PSD3: variants seen among roughly 807,000 people sequenced by gnomAD.
PSD3 encodes pleckstrin and Sec7 domain containing 3, also known as PH and SEC7 domain-containing protein 3.
A neutral mutation model predicts 105.5 loss-of-function variants in PSD3; 49 were observed. That is an observed-to-expected ratio of 0.46 (90% confidence interval 0.37 to 0.59). PSD3 has a LOEUF of 0.59. Ranked by LOEUF, PSD3 falls within the 20% of genes least tolerant of loss-of-function variation. The pLI, the probability that PSD3 is intolerant of heterozygous loss-of-function variation, is 0.00. For missense variants in PSD3, 1,561 were observed against 1,263.8 expected (o/e 1.24, Z -3.57); for synonymous variants, 557 against 457.8 (o/e 1.22, Z -2.77).
At chr8:18,772,018 A>T (rs1358734155) in intron 8 of PSD3, among the ~76,000 whole-genome samples, 1 of 152,170 alleles carries the variant, frequency 6.6e-6, no homozygotes, top group African/African-American at 2.4e-5. Context: ...ACTTAGCATA[A>T]TGTCCTCAAG....
upstream of PSD3, among the ~76,000 whole-genome samples, chr8:19,016,511 T>C (rs1232404502): frequency 1.3e-5 from 2 of 152,142 alleles, no homozygotes; most frequent in African/African-American, 4.8e-5. Context: ...ATGACAAAAA[T>C]CTCAAATACA....
intron 14 of PSD3, among the ~76,000 whole-genome samples, chr8:18,567,221 G>A (rs969599): frequency 0.85 from 129,420 of 151,990 alleles, 56,494 homozygotes; most frequent in Non-Finnish European, 0.95. Context: ...AAAGAACAAT[G>A]GGAAAGTCCA....
chr8:18,881,780 C>G (rs943600832), intron 2 of PSD3, among the ~76,000 whole-genome samples: 1 of 152,184 alleles, frequency 6.6e-6, no homozygotes, highest in Non-Finnish European at 1.5e-5. Flanking sequence ...AATATAAACT[C>G]TAAAAGGCAA....
intron 1 of PSD3, among the ~76,000 whole-genome samples, chr8:19,060,008 T>C (rs369236400): frequency 1.3e-5 from 2 of 152,210 alleles, no homozygotes; most frequent in African/African-American, 4.8e-5. Flanking sequence ...TTGAAATAAG[T>C]GCTTTTGACA....
In PSD3 at chr8:18,754,582, G is replaced by C. The variant is rs10109529; in HGVS notation, c.2172+10867C>G. Among the ~76,000 whole-genome samples, 1,411 of 152,054 alleles carry C rather than the reference G, an allele frequency of 9.3e-3. 27 individuals are homozygous for C. Among genetic ancestry groups the C allele is most frequent in the African/African-American group, 0.033 (1,355 of 41,446 alleles). ...CAGGCCCAAGATTATGATATGCCAG[G>C]GGGAGGATCAGGTCAAAAATTTCAA... On this transcript the variant is annotated intron_variant, in intron 9 of 15. Coordinates refer to ENST00000327040, the MANE Select transcript of PSD3 (RefSeq NM_015310.4).
chr8:18,788,287 T>C (rs917006882), intron 8 of PSD3, among the ~76,000 whole-genome samples: 1 of 152,230 alleles, frequency 6.6e-6, no homozygotes, highest in African/African-American at 2.4e-5. Context: ...TCCCAACTTC[T>C]GTTGCAATAA....
chr8:18,688,034 G>T (rs1800758500), intron 9 of PSD3, among the ~76,000 whole-genome samples: 1 of 152,224 alleles, frequency 6.6e-6, no homozygotes, highest in Middle Eastern at 3.4e-3. Context: ...CTCCCAAAGT[G>T]CTGGGATTAC....
Position 18,799,322 on chromosome 8 carries a change from C to T in PSD3, c.2055G>A (p.Met685Ile). The stretch of plus-strand genomic sequence containing the variant: ...GGCCATGTAGATCGGTATTAAGAAG[C>T]ATTATTGCACAGGTAAGGCAATGGA... ...DGVHCLTCAI[M>I]LLNTDLHGHN... Residue 685 changes from methionine to isoleucine, a missense_variant, in exon 8 of 16, where the codon ATG (methionine) becomes ATA (isoleucine). Physicochemically the swap from Met to Ile is conservative, Grantham distance 10 (BLOSUM62 1). Transcript: ENST00000327040. The T allele has an allele frequency of 6.2e-7, 1 of 1,608,714 alleles. No homozygotes were observed. Among genetic ancestry groups the T allele is most frequent in the South Asian group, 1.1e-5 (1 of 90,948 alleles).
chr8:18,944,746 T>C (rs1029459123), intron 1 of PSD3, among the ~76,000 whole-genome samples: 4 of 152,202 alleles, frequency 2.6e-5, no homozygotes, highest in African/African-American at 9.7e-5. Context: ...TTTATTTTTA[T>C]CAGAACAGGC....
intron 14 of PSD3, among the ~76,000 whole-genome samples, chr8:18,556,958 A>C (rs1801117337): frequency 6.6e-6 from 1 of 152,256 alleles, no homozygotes; most frequent in Non-Finnish European, 1.5e-5. Context: ...GCAACCCGTC[A>C]ATTAAAATGT....
chr8:18,816,322 G>A (rs191434187), intron 4 of PSD3, among the ~76,000 whole-genome samples: 11 of 152,278 alleles, frequency 7.2e-5, no homozygotes, highest in African/African-American at 2.6e-4. Flanking sequence ...GGAAACTGAG[G>A]TATGGTGCAG....
rs753398955 is a variant in PSD3, at chr8:18,575,146, A to T, written c.2621T>A (p.Val874Asp). Residue 874 changes from valine to aspartate, a missense_variant, in exon 13 of 16, where the codon GTC becomes GAC. Transcript: ENST00000327040. ...AACATACTGAGTTTGAAAAAGCAAG[A>T]CCCTCCAGTCGGCAGTTTTAAGTTT... ...VFKLKTADWR[V>D]LLFQTQSPEE... The T allele has an allele frequency of 6.2e-7, 1 of 1,612,614 alleles. No individual in the cohort carries two copies. Among genetic ancestry groups the T allele is most frequent in the East Asian group, 2.2e-5 (1 of 44,812 alleles).
At chr8:18,568,198 T>C (rs1801911712) in intron 14 of PSD3, among the ~76,000 whole-genome samples, 1 of 152,164 alleles carries the variant, frequency 6.6e-6, no homozygotes. Context: ...TAGTATTCTT[T>C]ATAGAAACAC....
In PSD3 at chr8:18,527,624, TA is replaced by T. The variant is rs1403817277; in HGVS notation, c.*8118del. ...TAATATTTATATACAACTATTTTAA[TA>T]AAAAATAAAGCAATTGTAAAATGTA... is the stretch of plus-strand genomic sequence containing the variant. On this transcript the variant is annotated 3_prime_UTR_variant, in exon 16 of 16. Transcript: ENST00000327040. The T allele has an allele frequency of 2.6e-5, 4 of 152,748 alleles. No individual in the cohort carries two copies. Among genetic ancestry groups the T allele is most frequent in the East Asian group, 3.9e-4 (2 of 5,190 alleles). 9.5% of individuals were successfully genotyped at this position (152,748 alleles called of 1,614,324 possible).
At chr8:18,614,801 T>G (rs548535974) in intron 11 of PSD3, among the ~76,000 whole-genome samples, 17 of 96,798 alleles carry the variant, frequency 1.8e-4, no homozygotes, top group East Asian at 4.9e-4. Flanking sequence ...GCTAATTTTT[T>G]TTTTGTTTTG....
chr8:18,590,631 G>C (rs1289042003), intron 12 of PSD3, among the ~76,000 whole-genome samples: 1 of 151,912 alleles, frequency 6.6e-6, no homozygotes, highest in Non-Finnish European at 1.5e-5. Context: ...GGAATCTTAA[G>C]AAAATAAAAG....
intron 12 of PSD3, among the ~76,000 whole-genome samples, chr8:18,596,952 C>T (rs577612272): frequency 1.2e-4 from 18 of 152,248 alleles, no homozygotes; most frequent in South Asian, 1.0e-3. Flanking sequence ...GAGGAGGGAA[C>T]ACTTCCAAAC....
intron 12 of PSD3, among the ~76,000 whole-genome samples, chr8:18,594,148 T>C (rs1481693854): frequency 1.5e-5 from 1 of 65,564 alleles, no homozygotes; most frequent in African/African-American, 5.2e-5. Flanking sequence ...ATATATTATA[T>C]AATATATATT....
At chr8:18,565,379 C>A (rs1801672968) in intron 14 of PSD3, among the ~76,000 whole-genome samples, 1 of 152,144 alleles carries the variant, frequency 6.6e-6, no homozygotes, top group Admixed American at 6.5e-5. Context: ...AAAATGTGCT[C>A]TGGCAGCACT....
Sources: allele counts gnomAD v4.1 joint callset (sites outside exome capture counted in the v4.1 genomes callset), GRCh38; gene constraint gnomAD v4.1.1; transcripts MANE v1.5; gene names NCBI Gene and HGNC (gene_info 2026-07-23, HGNC 2026-07-21).